TRPM1: variants seen among roughly 807,000 people sequenced by gnomAD.
The protein encoded by TRPM1 is transient receptor potential cation channel subfamily M member 1.
In TRPM1, 113 loss-of-function variants were observed where a neutral mutation model predicts 149.4. The ratio of observed to expected loss-of-function variants is 0.76; its 90% CI spans 0.65 to 0.88. TRPM1 has a LOEUF of 0.88. Among genes scored for constraint, TRPM1 ranks in the 40% least tolerant of loss-of-function variants. TRPM1 has a pLI of 0.00. For missense variants in TRPM1, 1,976 were observed against 2,038.7 expected, an observed-to-expected ratio of 0.97 and a Z score of 0.59; for synonymous variants, 741 against 759.5, an observed-to-expected ratio of 0.98 and a Z score of 0.40.
intron 25 of TRPM1, among the ~76,000 whole-genome samples, chr15:31,027,551 T>C (rs374301347): frequency 2.0e-5 from 3 of 152,218 alleles, no homozygotes; most frequent in African/African-American, 7.2e-5. Flanking sequence ...ATTTTGGACA[T>C]GGGGTAGGTA....
intron 1 of TRPM1, among the ~76,000 whole-genome samples, chr15:31,156,184 G>A (rs147403775): frequency 1.1e-4 from 12 of 113,566 alleles, no homozygotes; most frequent in African/African-American, 3.2e-4. Flanking sequence ...GTGACAGAGC[G>A]AGACCTCTGT....
intron 27 of TRPM1, among the ~76,000 whole-genome samples, chr15:31,010,808 G>A (rs761591187): frequency 6.6e-6 from 1 of 152,106 alleles, no homozygotes; most frequent in African/African-American, 2.4e-5. Context: ...TATTGGCTAA[G>A]GCTTCTATTT....
At chr15:31,115,981 G>C (rs541160264) in intron 1 of TRPM1, among the ~76,000 whole-genome samples, 1 of 151,770 alleles carries the variant, frequency 6.6e-6, no homozygotes, top group African/African-American at 2.4e-5. Flanking sequence ...AGCTCTCCGG[G>C]GCCTCTTTTA....
chr15:31,068,540 G>A (rs995594048), intron 4 of TRPM1, among the ~76,000 whole-genome samples: 3 of 151,710 alleles, frequency 2.0e-5, no homozygotes, highest in Non-Finnish European at 4.4e-5. Context: ...TCAGGAGTTC[G>A]AGACCAGCCT....
intron 21 of TRPM1, 115 bp downstream of exon 21, chr15:31,035,431 C>T: frequency 1.4e-6 from 2 of 1,456,334 alleles, no homozygotes; most frequent in South Asian, 1.1e-5. Flanking sequence ...CAGGCATGAG[C>T]CACCACGCCT....
intron 19 of TRPM1, 36 bp from the exon 20 acceptor site, chr15:31,037,878 G>C (rs2033468016): frequency 5.6e-6 from 9 of 1,613,756 alleles, no homozygotes; most frequent in Non-Finnish European, 7.6e-6. Flanking sequence ...CAGGCAGGTG[G>C]CTAAATGGGA....
At chr15:31,103,903 A>T (rs530427969), upstream of TRPM1, among the ~76,000 whole-genome samples, 31 of 152,050 alleles carry the variant, frequency 2.0e-4, no homozygotes, top group African/African-American at 7.0e-4. Context: ...GCTATGGCTC[A>T]CCTTGTATTT....
At chr15:31,118,298 C>T (rs779548756) in intron 1 of TRPM1, among the ~76,000 whole-genome samples, 10 of 151,678 alleles carry the variant, frequency 6.6e-5, no homozygotes, top group South Asian at 2.1e-4. Flanking sequence ...AAAGCTGTAT[C>T]GTACATGTAA....
chr15:31,113,865 G>C (rs146480897), intron 1 of TRPM1, among the ~76,000 whole-genome samples: 2 of 152,292 alleles, frequency 1.3e-5, no homozygotes, highest in East Asian at 3.9e-4. Flanking sequence ...CCACACGCTG[G>C]AAGGGTACCG....
intron 1 of TRPM1, among the ~76,000 whole-genome samples, chr15:31,125,780 T>G (rs537609834): frequency 3.0e-4 from 42 of 141,226 alleles, no homozygotes; most frequent in African/African-American, 1.1e-3. Context: ...AAAATTAAAA[T>G]GTGTATGCAC....
chr15:31,160,958 A>C, exon 1 of TRPM1: 9 of 1,535,470 alleles, frequency 5.9e-6, no homozygotes, highest in Non-Finnish European at 7.8e-6. Flanking sequence ...GAAGGAGCTC[A>C]TCTCTCTCAG....
At chr15:31,061,942 C>G (rs1481169962) in intron 9 of TRPM1, among the ~76,000 whole-genome samples, 4 of 152,148 alleles carry the variant, frequency 2.6e-5, no homozygotes, top group Non-Finnish European at 1.5e-5. Flanking sequence ...CCTGTCTCAG[C>G]CCCCCAAAGT....
At chr15:31,036,806 G>C (rs1034841731) in intron 20 of TRPM1, among the ~76,000 whole-genome samples, 2 of 152,238 alleles carry the variant, frequency 1.3e-5, no homozygotes, top group Admixed American at 1.3e-4. Context: ...CTGCCACAAG[G>C]TTGGGTGTCC....
At position 31,042,101 on chromosome 15, in the gene TRPM1, C is replaced by T. The variant is rs373203358; in HGVS notation, c.1937G>A (p.Arg646His). ...CCAGAGGAACACTGCCATTTTCTGGCGTTTCATCAGCACTGCCCACACCAT... is the reference window on the plus strand; with the variant it reads ...CCAGAGGAACACTGCCATTTTCTGGTGTTTCATCAGCACTGCCCACACCAT... The part of the protein sequence containing the change: ...ELMVWAVLMK[R>H]QKMAVFLWQR... The change falls in exon 17 of 28, where the codon CGC becomes CAC. Residue 646 changes from arginine to histidine, a missense_variant. Physicochemically the swap from Arg to His is conservative, Grantham distance 29 (BLOSUM62 0). Coordinates refer to ENST00000256552, the MANE Select transcript of TRPM1 (RefSeq NM_001252024.2). The T allele has an allele frequency of 1.3e-4, 208 of 1,614,090 alleles. No homozygotes were observed. The highest frequency in any genetic ancestry group is 1.7e-4 in the Non-Finnish European group (205 of 1,180,044).
chr15:31,126,634 A>T (rs576017457), intron 1 of TRPM1, among the ~76,000 whole-genome samples: 1 of 152,138 alleles, frequency 6.6e-6, no homozygotes, highest in Non-Finnish European at 1.5e-5. Flanking sequence ...TTTATTAGGC[A>T]TTTGAGAAAT....
At position 31,063,123 on chromosome 15, in the gene TRPM1, TTC is replaced by T. The variant is rs2034278830; in HGVS notation, c.958_959del (p.Glu320ArgfsTer6). 1.2e-6 allele frequency: 2 copies of T among 1,614,238 alleles called. No homozygotes were observed. The highest frequency in any genetic ancestry group is 2.2e-5 in the South Asian group (2 of 91,080). Reference sequence around the variant, plus strand: ...TCGCGCGTCAGAAATCCTACCCGCCTTCTTCACAGTACTTGTGCGCAAAGGAC... The same window carrying T: ...TCGCGCGTCAGAAATCCTACCCGCCTTTCACAGTACTTGTGCGCAAAGGAC... ...ILSFAHKYCEEGGIINESLRE... is the reference protein window; with the variant it reads ...ILSFAHKYCEXGGIINESLRE... On this transcript the variant is annotated frameshift_variant, in exon 8 of 28. Transcript: ENST00000256552. LOFTEE classifies it high-confidence loss of function.
chr15:31,159,084 T>G (rs1386464432), intron 1 of TRPM1, among the ~76,000 whole-genome samples: 9 of 151,976 alleles, frequency 5.9e-5, no homozygotes, highest in Admixed American at 5.9e-4. Flanking sequence ...TGGGATCACC[T>G]CAGATAGGGG....
At chr15:31,153,458 G>T (rs940885398) in intron 1 of TRPM1, among the ~76,000 whole-genome samples, 1 of 152,124 alleles carries the variant, frequency 6.6e-6, no homozygotes. Context: ...TTGAGTAGTG[G>T]GGATTACAGG....
chr15:31,095,055 T>C (rs983356119), intron 1 of TRPM1, among the ~76,000 whole-genome samples: 2 of 152,278 alleles, frequency 1.3e-5, no homozygotes, highest in African/African-American at 4.8e-5. Context: ...AACGAAGTTC[T>C]GAAGCATGCC....
Sources: gnomAD v4.1 joint callset for allele counts (sites outside exome capture counted in the v4.1 genomes callset) on GRCh38, gnomAD v4.1.1 for gene constraint, MANE v1.5 for transcripts, NCBI Gene and HGNC (gene_info 2026-07-23, HGNC 2026-07-21) for gene names.